DLG2: variants seen among roughly 807,000 people sequenced by gnomAD.
DLG2 encodes the protein disks large homolog 2.
DLG2 carries 45 observed loss-of-function variants against 132.5 expected under a neutral mutation model. That is an observed-to-expected ratio of 0.34 (90% confidence interval 0.27 to 0.44). DLG2 has a LOEUF of 0.44. Ranked by LOEUF, DLG2 falls within the 20% of genes least tolerant of loss-of-function variation. The probability of loss-of-function intolerance (pLI) is 1.00; values close to 1 mark genes in which losing one functional copy is unlikely to be tolerated. For synonymous variants in DLG2, 424 were observed against 419.6 expected (o/e 1.01, Z -0.13); for missense variants, 1,045 against 1,196.9 (o/e 0.87, Z 1.87).
In DLG2 at chr11:85,626,141, G is replaced by T. The variant is rs370087301; in HGVS notation, c.-93+446C>A. On this transcript the variant is annotated intron_variant, in intron 2 of 27. Transcript: ENST00000376104. ...TAATAAGTCTATTTTTTAACCAAAA[G>T]ATAAATTATAAAGCTGTAATTTTGT... is the stretch of plus-strand genomic sequence containing the variant. Among the ~76,000 whole-genome samples, 88 of 152,348 alleles carry T rather than the reference G, an allele frequency of 5.8e-4. 2 individuals carry two copies. In the South Asian group the frequency reaches 0.018, roughly 31 times the overall value.
At chr11:84,403,008 CT>C in intron 7 of DLG2, among the ~76,000 whole-genome samples, 1 of 148,268 alleles carries the variant, frequency 6.7e-6, no homozygotes, top group African/African-American at 2.6e-5. Flanking sequence ...CTCTCTCTCT[CT>C]CTCTGGCTAG....
chr11:84,754,056 A>T (rs919736808), intron 6 of DLG2, among the ~76,000 whole-genome samples: 1 of 152,200 alleles, frequency 6.6e-6, no homozygotes, highest in African/African-American at 2.4e-5. Flanking sequence ...TGGGTGGAGG[A>T]AAGAAGAGGA....
intron 6 of DLG2, among the ~76,000 whole-genome samples, chr11:84,726,833 T>C (rs1215986388): frequency 9.9e-5 from 15 of 152,076 alleles, no homozygotes; most frequent in Non-Finnish European, 1.9e-4. Flanking sequence ...GTGGTTTTGA[T>C]TTGCATTTCT....
At chr11:83,894,086 T>C (rs557208186) in intron 15 of DLG2, among the ~76,000 whole-genome samples, 2 of 152,338 alleles carry the variant, frequency 1.3e-5, no homozygotes, top group South Asian at 2.1e-4. Flanking sequence ...AAACAACCAA[T>C]GTATTCCAGA....
At chr11:83,794,269 A>G (rs1262749360) in intron 17 of DLG2, among the ~76,000 whole-genome samples, 1 of 152,162 alleles carries the variant, frequency 6.6e-6, no homozygotes, top group Non-Finnish European at 1.5e-5. Flanking sequence ...GTTCTTCTCC[A>G]GTCTTTCAAA....
intron 4 of DLG2, among the ~76,000 whole-genome samples, chr11:85,208,935 A>C (rs902038785): frequency 5.9e-5 from 9 of 152,098 alleles, no homozygotes; most frequent in African/African-American, 2.2e-4. Context: ...TTATGTAAGA[A>C]AACAAGTTCA....
chr11:84,861,154 G>C (rs1001168707), intron 6 of DLG2, among the ~76,000 whole-genome samples: 4 of 152,146 alleles, frequency 2.6e-5, no homozygotes, highest in Non-Finnish European at 4.4e-5. Flanking sequence ...TCTGTTGCTT[G>C]AGGGTCAGGG....
chr11:85,320,077 AC>A (rs2080953620), intron 3 of DLG2, among the ~76,000 whole-genome samples: 1 of 151,882 alleles, frequency 6.6e-6, no homozygotes, highest in Non-Finnish European at 1.5e-5. Flanking sequence ...AGATGCCTGA[AC>A]TAAGCCATGT....
At chr11:85,254,906 G>A (rs190240916) in intron 4 of DLG2, among the ~76,000 whole-genome samples, 121 of 151,756 alleles carry the variant, frequency 8.0e-4, no homozygotes, top group African/African-American at 2.8e-3. Context: ...GGCTGAGGCA[G>A]TAGAATGGCG....
At chr11:85,566,131 T>C (rs940735843) in intron 3 of DLG2, among the ~76,000 whole-genome samples, 3 of 152,216 alleles carry the variant, frequency 2.0e-5, no homozygotes, top group Non-Finnish European at 4.4e-5. Flanking sequence ...CATGTGCCTA[T>C]TGGTCATTTG....
At chr11:85,022,824 T>C (rs2060196886) in intron 6 of DLG2, among the ~76,000 whole-genome samples, 1 of 152,094 alleles carries the variant, frequency 6.6e-6, no homozygotes, top group Admixed American at 6.6e-5. Context: ...CCAGGTGCAA[T>C]GCATACCATT....
At chr11:83,474,584 T>C (rs1231769312) in intron 22 of DLG2, among the ~76,000 whole-genome samples, 1 of 152,124 alleles carries the variant, frequency 6.6e-6, no homozygotes, top group East Asian at 1.9e-4. Flanking sequence ...TGGACCTCCT[T>C]ATTAGGCTGG....
At chr11:84,047,824 T>G (rs2096272233) in intron 11 of DLG2, among the ~76,000 whole-genome samples, 1 of 151,612 alleles carries the variant, frequency 6.6e-6, no homozygotes. Context: ...TTCATTAATT[T>G]CCAAAAAGAT....
chr11:84,608,336 T>G (rs2099589426), intron 6 of DLG2, among the ~76,000 whole-genome samples: 1 of 152,164 alleles, frequency 6.6e-6, no homozygotes, highest in African/African-American at 2.4e-5. Flanking sequence ...TTTACCACAG[T>G]CCCTAGAGAT....
At chr11:83,942,946 T>A (rs2082996184) in intron 14 of DLG2, among the ~76,000 whole-genome samples, 1 of 152,054 alleles carries the variant, frequency 6.6e-6, no homozygotes, top group Non-Finnish European at 1.5e-5. Context: ...CTGTGGGAGG[T>A]AACTGAATCA....
chr11:83,493,207 A>G (rs1367506583), intron 21 of DLG2, among the ~76,000 whole-genome samples: 1 of 151,914 alleles, frequency 6.6e-6, no homozygotes, highest in African/African-American at 2.4e-5. Context: ...CTTCCCTTAG[A>G]AGGCTGATTC....
intron 7 of DLG2, among the ~76,000 whole-genome samples, chr11:84,333,535 T>C (rs566983507): frequency 1.3e-5 from 2 of 152,340 alleles, no homozygotes; most frequent in Admixed American, 6.5e-5. Flanking sequence ...CAATAACTTT[T>C]GAAGCTGCCA....
intron 7 of DLG2, among the ~76,000 whole-genome samples, chr11:84,518,031 C>A (rs1437380907): frequency 1.3e-5 from 2 of 150,472 alleles, no homozygotes; most frequent in East Asian, 2.0e-4. Flanking sequence ...GAGATGTTGT[C>A]AAAGGATACA....
At chr11:83,508,403 A>ATTTTT (rs746968613) in intron 21 of DLG2, among the ~76,000 whole-genome samples, 846 of 80,176 alleles carry the variant, frequency 0.011, 61 homozygotes, top group Non-Finnish European at 0.016. Context: ...CGCCTGGCTA[A>ATTTTT]TTTTTTTTTT....
Sources: allele counts gnomAD v4.1 joint callset (sites outside exome capture counted in the v4.1 genomes callset), GRCh38; gene constraint gnomAD v4.1.1; transcripts MANE v1.5; gene names NCBI Gene and HGNC (gene_info 2026-07-23, HGNC 2026-07-21).